CUX1: variants seen among roughly 807,000 people sequenced by gnomAD.
The protein encoded by CUX1 is cut like homeobox 1, also known as protein CASP.
CUX1 carries 31 observed loss-of-function variants against 158.8 expected under a neutral mutation model. The observed-to-expected ratio is 0.20, with a 90% confidence interval of 0.15 to 0.26. The LOEUF (loss-of-function observed/expected upper bound fraction) is 0.26, where lower values mean the gene tolerates loss of function less well. CUX1 is among the 10% of genes least tolerant of loss of function. The probability of loss-of-function intolerance (pLI) is 1.00; values close to 1 mark genes in which losing one functional copy is unlikely to be tolerated. For synonymous variants in CUX1, 879 were observed against 862.1 expected, an observed-to-expected ratio of 1.02 and a Z score of -0.34; for missense variants, 1,589 against 2,014.6, an observed-to-expected ratio of 0.79 and a Z score of 4.04.
chr7:101,936,682 A>G (rs1324792133), intron 2 of CUX1, among the ~76,000 whole-genome samples: 2 of 152,132 alleles, frequency 1.3e-5, no homozygotes, highest in Non-Finnish European at 2.9e-5. Flanking sequence ...GGAGGGTGGC[A>G]GGGGGCCAGC....
intron 13 of CUX1, chr7:102,194,208 AAG>A (rs1794564137): frequency 2.8e-6 from 1 of 361,568 alleles, no homozygotes; most frequent in South Asian, 5.8e-5. Flanking sequence ...AAGAGGCAAA[AAG>A]AGAAAAGCTA....
chr7:102,234,060 T>A lies in CUX1; in HGVS notation c.3442T>A (p.Leu1148Ile). ...TTCTGTTTTCTCTCTAGGCCAGCGC[T>A]TATTTGGGGAGACCATCTTAGGGCT... Reference protein sequence around the residue: ...VLTDNNLGQRLFGETILGLTQ... With the variant: ...VLTDNNLGQRIFGETILGLTQ... The change falls in exon 22 of 24, where the codon TTA becomes ATA. Residue 1148 changes from leucine (L) to isoleucine (I), a missense_variant. Physicochemically the swap from Leu to Ile is conservative, Grantham distance 5 (BLOSUM62 2). Coordinates refer to ENST00000292535, the MANE Select transcript of CUX1 (RefSeq NM_181552.4). 1 of 1,530,226 alleles carries A rather than the reference T, an allele frequency of 6.5e-7. No homozygotes were observed. The highest frequency in any genetic ancestry group is 1.3e-5 in the South Asian group (1 of 79,680). 94.8% of individuals were successfully genotyped at this position (1,530,226 alleles called of 1,614,324 possible).
chr7:102,127,277 G>A (rs1213848964), intron 8 of CUX1, among the ~76,000 whole-genome samples: 8 of 152,146 alleles, frequency 5.3e-5, no homozygotes, highest in African/African-American at 1.9e-4. Flanking sequence ...CACTATCATA[G>A]CTCACTGCAG....
rs1283651807 is a variant in CUX1, at chr7:102,018,802, T to A, written c.142-9296T>A. 2.6e-5 allele frequency among the ~76,000 whole-genome samples: 4 copies of A among 152,030 alleles called. No homozygotes were observed. The East Asian group carries it at 7.7e-4, about 29-fold the overall frequency. ...TGTGTTAGACATGAAAGCTGAGGAG[T>A]CTGCAAAGCACAGGAACACACAAAC... On this transcript the variant is annotated intron_variant, in intron 2 of 23. Transcript: ENST00000292535.
chr7:102,250,919 CTTCTT>C lies in CUX1; in HGVS notation c.*1879_*1883del. 2 of 983,680 alleles carry C rather than the reference CTTCTT, an allele frequency of 2.0e-6. No individual in the cohort carries two copies. Among genetic ancestry groups the C allele is most frequent in the Non-Finnish European group, 2.4e-6 (2 of 828,572 alleles). The allele number at this position is 983,680 out of a possible 1,614,324, so 60.9% of individuals were successfully genotyped here. ...GCTTCTACAAGTTTGCTAATTTAGA[CTTCTT>C]TATTGCCATATCTTTAAACTAACAA... is the stretch of plus-strand genomic sequence containing the variant. On this transcript the variant is annotated 3_prime_UTR_variant, in exon 24 of 24. Coordinates refer to ENST00000292535, the MANE Select transcript of CUX1 (RefSeq NM_181552.4).
Position 102,196,889 on chromosome 7 carries a change from A to G in CUX1, c.1478A>G (p.Tyr493Cys). The G allele has an allele frequency of 6.2e-7, 1 of 1,614,118 alleles. No individual in the cohort carries two copies. Among genetic ancestry groups the G allele is most frequent in the Non-Finnish European group, 8.5e-7 (1 of 1,180,026 alleles). The change falls in exon 15 of 24, where the codon TAC becomes TGC. Residue 493 changes from tyrosine to cysteine, a missense_variant. By Grantham distance (194) the Tyr-to-Cys change is radical. Transcript: ENST00000292535. Reference protein sequence around the residue: ...LLQRQLMQSFYSKAMQEAGST... With the variant: ...LLQRQLMQSFCSKAMQEAGST... ...CAGCGGCAGCTAATGCAGTCCTTCT[A>G]CTCCAAGGCTATGCAGGAAGCCGGA...
rs1185779425 is a variant in CUX1, at chr7:102,257,693, A to C, written c.*8651A>C. On this transcript the variant is annotated 3_prime_UTR_variant, in exon 24 of 24. Coordinates refer to ENST00000292535, the MANE Select transcript of CUX1 (RefSeq NM_181552.4). ...GGCGGAATCTTCCGGAAAACTCTCT[A>C]TAAGCTCAGCTCCCCCCACCCCACC... is the stretch of plus-strand genomic sequence containing the variant. 2.6e-5 allele frequency: 26 copies of C among 985,290 alleles called. No homozygotes were observed. The highest frequency in any genetic ancestry group is 3.0e-5 in the Non-Finnish European group (25 of 829,948). 61.0% of individuals were successfully genotyped at this position (985,290 alleles called of 1,614,324 possible).
intron 1 of CUX1, among the ~76,000 whole-genome samples, chr7:101,878,784 T>C (rs1037997614): frequency 1.3e-5 from 2 of 152,112 alleles, no homozygotes; most frequent in African/African-American, 4.8e-5. Flanking sequence ...ACAATTCTCC[T>C]GCCTGAGCCT....
chr7:101,880,335 C>G (rs1343670412), intron 1 of CUX1, among the ~76,000 whole-genome samples: 2 of 152,112 alleles, frequency 1.3e-5, no homozygotes, highest in African/African-American at 4.8e-5. Flanking sequence ...GGAACAATGG[C>G]TCACAATGAG....
At chr7:101,988,740 C>T (rs1438579428) in intron 2 of CUX1, among the ~76,000 whole-genome samples, 3 of 152,124 alleles carry the variant, frequency 2.0e-5, no homozygotes, top group Non-Finnish European at 4.4e-5. Flanking sequence ...GTGGTTCATA[C>T]CTGTTATCTC....
chr7:102,241,510 A>C (rs1042359380), intron 23 of CUX1, among the ~76,000 whole-genome samples: 2 of 151,318 alleles, frequency 1.3e-5, no homozygotes, highest in Admixed American at 1.3e-4. Context: ...ACAAAGTCAC[A>C]GTCAGGCTGG....
chr7:101,866,694 CG>C lies in CUX1; in HGVS notation c.30+49026del, dbSNP rs1562945141. 5.3e-5 allele frequency among the ~76,000 whole-genome samples: 8 copies of C among 152,126 alleles called. No homozygotes were observed. The South Asian group carries it at 1.5e-3, about 28-fold the overall frequency. On this transcript the variant is annotated intron_variant, in intron 1 of 23. Coordinates refer to ENST00000292535, the MANE Select transcript of CUX1 (RefSeq NM_181552.4). ...GCATAGTTGTTTGCTGATCATTCAC[CG>C]TTGAGACAATGAACAGCTCGTTAAA...
Position 102,201,478 on chromosome 7 carries a change from C to T in CUX1, c.2181C>T (p.Ala727=). The change falls in exon 18 of 24, where the codon GCC becomes GCT. Residue 727 remains alanine (A), a synonymous_variant. Transcript: ENST00000292535. This position sits in a 1 kb window ranked among gnomAD's most constrained non-coding sequence, Gnocchi z 5.0. The stretch of plus-strand genomic sequence containing the variant: ...CCCAGCAGGCTGCCCTCGACCCTGC[C>T]TTAAAGCAGGCACCACTGTCCCAGA... ...MEAQQAALDP[A]LKQAPLSQSD... 1 of 1,614,140 alleles carries T rather than the reference C, an allele frequency of 6.2e-7. No homozygotes were observed. The highest frequency in any genetic ancestry group is 8.5e-7 in the Non-Finnish European group (1 of 1,180,026).
intron 2 of CUX1, among the ~76,000 whole-genome samples, chr7:101,952,058 G>C (rs555149816): frequency 2.0e-5 from 3 of 152,294 alleles, no homozygotes; most frequent in African/African-American, 7.2e-5. Flanking sequence ...GTGTGGCCCA[G>C]GCCAGCAGCA....
At chr7:101,981,842 C>T (rs1172731460) in intron 2 of CUX1, among the ~76,000 whole-genome samples, 1 of 152,126 alleles carries the variant, frequency 6.6e-6, no homozygotes, top group African/African-American at 2.4e-5. Context: ...AACTCTTGAC[C>T]TCAAGTGATC....
chr7:101,887,843 AT>A (rs554136468), intron 1 of CUX1, among the ~76,000 whole-genome samples: 207 of 76,960 alleles, frequency 2.7e-3, no homozygotes, highest in African/African-American at 1.0e-2. Context: ...TGACGGTGAC[AT>A]TTTTTTTTTT....
intron 2 of CUX1, among the ~76,000 whole-genome samples, chr7:102,016,785 G>C (rs1818645683): frequency 6.6e-6 from 1 of 152,100 alleles, no homozygotes; most frequent in Non-Finnish European, 1.5e-5. Flanking sequence ...TTATTCTTAC[G>C]GATAGACTCC....
At chr7:101,863,442 T>G (rs1379462451) in intron 1 of CUX1, among the ~76,000 whole-genome samples, 1 of 151,630 alleles carries the variant, frequency 6.6e-6, no homozygotes, top group African/African-American at 2.4e-5. Flanking sequence ...CCTCTGCCTC[T>G]TGAGTTAAAG....
chr7:102,252,121 A>T lies in CUX1; in HGVS notation c.*3079A>T, dbSNP rs1420850425. The T allele has an allele frequency of 3.0e-6, 3 of 984,000 alleles. No individual in the cohort carries two copies. The highest frequency in any genetic ancestry group is 1.7e-5 in the African/African-American group (1 of 57,246). The allele number at this position is 984,000 out of a possible 1,614,324, so 61.0% of individuals were successfully genotyped here. A position where few individuals can be genotyped will look rare whatever the true frequency, so the allele number is the denominator to read the frequency against. On this transcript the variant is annotated 3_prime_UTR_variant, in exon 24 of 24. Transcript: ENST00000292535. Reference sequence around the variant, plus strand: ...GTGTATTTTTTTTCCTCTATTATTTATTTTTTTAAAAAAAATAGAGATCCT... The same window carrying T: ...GTGTATTTTTTTTCCTCTATTATTTTTTTTTTTAAAAAAAATAGAGATCCT...
Sources: gnomAD v4.1 joint callset for allele counts (sites outside exome capture counted in the v4.1 genomes callset) on GRCh38, gnomAD v4.1.1 for gene constraint, Gnocchi (gnomAD v3.1) non-coding constraint, MANE v1.5 for transcripts, NCBI Gene and HGNC (gene_info 2026-07-23, HGNC 2026-07-21) for gene names.